The following CRADD variants were observed in gnomAD, a reference collection of about 807,000 sequenced individuals.
CRADD encodes death domain-containing protein CRADD.
Under a neutral mutation model 15.5 loss-of-function variants are expected in CRADD, and 9 were observed. The observed-to-expected ratio is 0.58, with a 90% CI of 0.35 to 1.01. The LOEUF (loss-of-function observed/expected upper bound fraction) is 1.01. Ranked by LOEUF, CRADD falls within the 50% of genes least tolerant of loss-of-function variation. The pLI, the probability that CRADD is intolerant of heterozygous loss-of-function variation, is 0.02. For missense variants in CRADD, 227 were observed against 250.3 expected (o/e 0.91, Z 0.63); for synonymous variants, 118 against 107.6 (o/e 1.10, Z -0.60).
At chr12:93,883,211 C>G (rs991577393) in intron 2 of CRADD, among the ~76,000 whole-genome samples, 4 of 152,144 alleles carry the variant, frequency 2.6e-5, no homozygotes, top group Non-Finnish European at 2.9e-5. Flanking sequence ...AATACAAAAA[C>G]CCATATTTAA....
intron 2 of CRADD, among the ~76,000 whole-genome samples, chr12:93,868,189 T>A (rs1958386787): frequency 6.6e-6 from 1 of 152,208 alleles, no homozygotes; most frequent in Non-Finnish European, 1.5e-5. Context: ...AAAAGTAATG[T>A]ACAAGGATGT....
chr12:93,726,692 A>AT (rs900114584), intron 2 of CRADD, among the ~76,000 whole-genome samples: 35 of 150,368 alleles, frequency 2.3e-4, no homozygotes, highest in African/African-American at 6.6e-4. Context: ...TTTTTTCCTC[A>AT]TTTTTTTTTT....
intron 2 of CRADD, among the ~76,000 whole-genome samples, chr12:93,704,789 C>T (rs1221987530): frequency 1.3e-5 from 2 of 152,176 alleles, no homozygotes; most frequent in Non-Finnish European, 2.9e-5. Flanking sequence ...CATTCCCTGC[C>T]TTCTCCCTGT....
chr12:93,695,378 G>C (rs1199227171), intron 2 of CRADD, among the ~76,000 whole-genome samples: 2 of 152,174 alleles, frequency 1.3e-5, no homozygotes, highest in Non-Finnish European at 2.9e-5. Flanking sequence ...TAGGGGAAAT[G>C]CTCTATGACA....
chr12:93,770,013 T>C (rs528128715), intron 2 of CRADD, among the ~76,000 whole-genome samples: 55 of 152,296 alleles, frequency 3.6e-4, no homozygotes, highest in African/African-American at 1.3e-3. Flanking sequence ...TACCAATCTT[T>C]CTCTTTGTTG....
At chr12:93,812,508 C>G (rs1471125329) in intron 2 of CRADD, among the ~76,000 whole-genome samples, 5 of 144,416 alleles carry the variant, frequency 3.5e-5, no homozygotes, top group Non-Finnish European at 7.5e-5. Context: ...AACCCCATCT[C>G]TACTAAAAAA....
At chr12:93,861,125 G>A (rs1170342389) in intron 2 of CRADD, among the ~76,000 whole-genome samples, 1 of 152,210 alleles carries the variant, frequency 6.6e-6, no homozygotes, top group East Asian at 1.9e-4. Flanking sequence ...TGTAAAGAGG[G>A]GAAGGGTAGT....
At chr12:93,873,575 G>A (rs1267029828) in intron 2 of CRADD, among the ~76,000 whole-genome samples, 1 of 151,984 alleles carries the variant, frequency 6.6e-6, no homozygotes, top group Non-Finnish European at 1.5e-5. Context: ...TTATATTGAA[G>A]TATATTTCTT....
At chr12:93,793,653 G>A (rs1957377068) in intron 2 of CRADD, among the ~76,000 whole-genome samples, 1 of 152,144 alleles carries the variant, frequency 6.6e-6, no homozygotes, top group Non-Finnish European at 1.5e-5. Flanking sequence ...AATGATGTCT[G>A]GGATTTGCTT....
chr12:93,844,095 T>G (rs1958084045), intron 2 of CRADD, among the ~76,000 whole-genome samples: 1 of 152,224 alleles, frequency 6.6e-6, no homozygotes, highest in Admixed American at 6.5e-5. Flanking sequence ...TTACTTATTG[T>G]GATCCTTGCA....
intron 2 of CRADD, among the ~76,000 whole-genome samples, chr12:93,785,688 G>A (rs990338679): frequency 1.5e-4 from 23 of 152,166 alleles, no homozygotes; most frequent in African/African-American, 4.1e-4. Flanking sequence ...GCTCATGATA[G>A]TCATTTCAAA....
intron 2 of CRADD, among the ~76,000 whole-genome samples, chr12:93,812,486 C>G (rs1957639653): frequency 6.6e-6 from 1 of 150,942 alleles, no homozygotes; most frequent in African/African-American, 2.4e-5. Context: ...ACCAGCCTGG[C>G]CAACTTGGCA....
At chr12:93,680,095 G>C (rs1224566302) in intron 2 of CRADD, among the ~76,000 whole-genome samples, 3 of 152,244 alleles carry the variant, frequency 2.0e-5, no homozygotes, top group Admixed American at 2.0e-4. Context: ...GCTTGTAGCA[G>C]GAAGAAGATG....
At chr12:93,794,029 G>A (rs765967169) in intron 2 of CRADD, among the ~76,000 whole-genome samples, 18 of 152,124 alleles carry the variant, frequency 1.2e-4, no homozygotes, top group Non-Finnish European at 2.9e-5. Context: ...CTTGCCATAT[G>A]GGGTGGTTAA....
chr12:93,786,417 G>A (rs768386650), intron 2 of CRADD, among the ~76,000 whole-genome samples: 13 of 152,254 alleles, frequency 8.5e-5, no homozygotes, highest in African/African-American at 2.6e-4. Flanking sequence ...TGAAGACTGC[G>A]GGTACTATGT....
intron 2 of CRADD, among the ~76,000 whole-genome samples, chr12:93,703,082 G>A (rs931531706): frequency 1.3e-5 from 2 of 152,028 alleles, no homozygotes; most frequent in Non-Finnish European, 2.9e-5. Flanking sequence ...CTCCTAGATC[G>A]CTGACTGCAT....
chr12:93,795,679 T>C (rs1374197550), intron 2 of CRADD, among the ~76,000 whole-genome samples: 1 of 152,228 alleles, frequency 6.6e-6, no homozygotes, highest in Non-Finnish European at 1.5e-5. Flanking sequence ...AAATTGCTCC[T>C]TTCTTTCCCT....
chr12:93,683,956 T>C (rs1472166738), intron 2 of CRADD, among the ~76,000 whole-genome samples: 1 of 152,214 alleles, frequency 6.6e-6, no homozygotes, highest in Non-Finnish European at 1.5e-5. Flanking sequence ...GTTTGCCTAG[T>C]GGCGTCCTGT....
intron 2 of CRADD, among the ~76,000 whole-genome samples, chr12:93,765,586 T>C (rs888379258): frequency 1.3e-5 from 2 of 152,172 alleles, no homozygotes; most frequent in African/African-American, 4.8e-5. Flanking sequence ...TGAGAGGGCA[T>C]GAACCGGCTC....
Sources: gnomAD v4.1 joint callset for allele counts (sites outside exome capture counted in the v4.1 genomes callset) on GRCh38, gnomAD v4.1.1 for gene constraint, MANE v1.5 for transcripts, NCBI Gene and HGNC (gene_info 2026-07-23, HGNC 2026-07-21) for gene names.